Variants in RBFOX1 observed in about 807,000 individuals in gnomAD.
RBFOX1 encodes RNA binding fox-1 homolog 1.
Under a neutral mutation model 57.7 loss-of-function variants are expected in RBFOX1, and 8 were observed. That is an observed-to-expected ratio of 0.14 (90% CI 0.08 to 0.25). The LOEUF is 0.25. Among genes scored for constraint, RBFOX1 ranks in the 10% least tolerant of loss-of-function variants. RBFOX1 has a pLI of 1.00. For missense variants in RBFOX1, 611 were observed against 548.5 expected (o/e 1.11, Z -1.14); for synonymous variants, 326 against 222.4 (o/e 1.47, Z -4.15).
intron 5 of RBFOX1, 135 bp from the exon 6 acceptor site, chr16:7,579,642 A>T (rs890912912): frequency 9.6e-7 from 1 of 1,042,116 alleles, no homozygotes; most frequent in African/African-American, 1.6e-5. Flanking sequence ...GCATGCATGC[A>T]TGCGTCAGCA....
intron 4 of RBFOX1, among the ~76,000 whole-genome samples, chr16:7,231,020 C>A (rs1302330637): frequency 6.6e-6 from 1 of 152,110 alleles, no homozygotes; most frequent in Non-Finnish European, 1.5e-5. Flanking sequence ...CCTGAACAAG[C>A]ACCTCTAGCC....
chr16:7,394,667 G>T (rs1456901214), intron 4 of RBFOX1, among the ~76,000 whole-genome samples: 3 of 152,124 alleles, frequency 2.0e-5, no homozygotes, highest in Non-Finnish European at 4.4e-5. Flanking sequence ...TCAGTTTACT[G>T]ATCAGGCAGT....
intron 4 of RBFOX1, among the ~76,000 whole-genome samples, chr16:5,914,059 A>G (rs567379995): frequency 2.6e-5 from 4 of 152,328 alleles, no homozygotes; most frequent in Admixed American, 2.0e-4. Flanking sequence ...GGACAGAGGC[A>G]TTAACCCACA....
chr16:7,000,030 C>A (rs922742527), intron 3 of RBFOX1, among the ~76,000 whole-genome samples: 4 of 150,432 alleles, frequency 2.7e-5, no homozygotes, highest in African/African-American at 9.8e-5. Context: ...CAAGATCACA[C>A]CACTGCACTC....
intron 3 of RBFOX1, among the ~76,000 whole-genome samples, chr16:6,807,356 A>G (rs555285845): frequency 6.6e-6 from 1 of 152,216 alleles, no homozygotes; most frequent in African/African-American, 2.4e-5. Context: ...GAATTTTGAG[A>G]CAAGGATGAG....
intron 3 of RBFOX1, among the ~76,000 whole-genome samples, chr16:5,783,766 C>T (rs182477821): frequency 1.3e-4 from 20 of 152,168 alleles, no homozygotes; most frequent in Non-Finnish European, 2.2e-4. Context: ...TCCCTTGTCA[C>T]GAAGAGGCAG....
intron 4 of RBFOX1, among the ~76,000 whole-genome samples, chr16:6,009,187 A>G (rs1011092214): frequency 6.6e-6 from 1 of 151,496 alleles, no homozygotes; most frequent in African/African-American, 2.4e-5. Context: ...CAGTGATTCC[A>G]GGTCCAGGAT....
intron 2 of RBFOX1, among the ~76,000 whole-genome samples, chr16:6,355,182 C>T (rs760615437): frequency 3.3e-5 from 5 of 152,144 alleles, no homozygotes; most frequent in African/African-American, 2.4e-5. Flanking sequence ...ATGTGCAGAA[C>T]GTGCAGTCTT....
chr16:6,788,677 G>C (rs1603623907), intron 3 of RBFOX1, among the ~76,000 whole-genome samples: 2 of 151,678 alleles, frequency 1.3e-5, no homozygotes, highest in Non-Finnish European at 2.9e-5. Context: ...GGGTTTCACC[G>C]TGTTAGCCAG....
chr16:7,285,837 C>T (rs1167092922), intron 4 of RBFOX1, among the ~76,000 whole-genome samples: 1 of 152,164 alleles, frequency 6.6e-6, no homozygotes, highest in African/African-American at 2.4e-5. Flanking sequence ...AAAACTGTTA[C>T]AAATCTTCAA....
intron 4 of RBFOX1, among the ~76,000 whole-genome samples, chr16:7,055,126 A>T (rs1258341071): frequency 6.6e-6 from 1 of 152,162 alleles, no homozygotes; most frequent in Non-Finnish European, 1.5e-5. Flanking sequence ...ATACCATGTT[A>T]AAAAAAGCTA....
intron 3 of RBFOX1, among the ~76,000 whole-genome samples, chr16:6,676,971 C>T (rs557170324): frequency 1.3e-5 from 2 of 152,028 alleles, no homozygotes; most frequent in Admixed American, 6.6e-5. Context: ...CCACCATGCC[C>T]AGCCGTTAAC....
intron 4 of RBFOX1, among the ~76,000 whole-genome samples, chr16:7,403,545 T>C (rs567586694): frequency 1.3e-5 from 2 of 149,846 alleles, no homozygotes; most frequent in South Asian, 2.1e-4. Flanking sequence ...TCACCCATAT[T>C]ATTGCAAATG....
At chr16:6,064,475 T>G (rs1181008630) in intron 1 of RBFOX1, among the ~76,000 whole-genome samples, 1 of 152,218 alleles carries the variant, frequency 6.6e-6, no homozygotes, top group Non-Finnish European at 1.5e-5. Context: ...AAGTGGGCAA[T>G]GTAGTAAGCA....
intron 1 of RBFOX1, among the ~76,000 whole-genome samples, chr16:5,461,855 A>G (rs1458347017): frequency 1.3e-5 from 2 of 152,184 alleles, no homozygotes; most frequent in African/African-American, 4.8e-5. Context: ...TTTATCTTTG[A>G]GAGCCATCCA....
chr16:6,216,146 A>G lies in RBFOX1; in HGVS notation c.-126-100849A>G, dbSNP rs972425027. ...GCCTTTTGGAGGGTGGGGAGTTGGAAGAGGGAGAGCATCATGAAAAATAAC... is the reference window on the plus strand; with the variant it reads ...GCCTTTTGGAGGGTGGGGAGTTGGAGGAGGGAGAGCATCATGAAAAATAAC... On this transcript the variant is annotated intron_variant, in intron 1 of 15. Coordinates refer to ENST00000550418, the MANE Select transcript of RBFOX1 (RefSeq NM_018723.4). Among the ~76,000 whole-genome samples, 33 of 152,262 alleles carry G rather than the reference A, an allele frequency of 2.2e-4. 1 individual carries two copies. Among genetic ancestry groups the G allele is most frequent in the African/African-American group, 7.2e-4 (30 of 41,548 alleles).
At position 6,898,860 on chromosome 16, in the gene RBFOX1, A is replaced by G. The variant is rs545962271; in HGVS notation, c.-15-153197A>G. Among the ~76,000 whole-genome samples, 14 of 148,858 alleles carry G rather than the reference A, an allele frequency of 9.4e-5. No homozygotes were observed. The East Asian group carries it at 2.8e-3, about 30-fold the overall frequency. On this transcript the variant is annotated intron_variant, in intron 3 of 15. Coordinates refer to ENST00000550418, the MANE Select transcript of RBFOX1 (RefSeq NM_018723.4). ...GTGTGTGCATGTGTATGTGTAATAT[A>G]TTACACACATGTACACGTGTATAAT...
chr16:5,762,572 A>G (rs2053628773), intron 3 of RBFOX1, among the ~76,000 whole-genome samples: 1 of 152,168 alleles, frequency 6.6e-6, no homozygotes, highest in African/African-American at 2.4e-5. Context: ...CCCGCGGGGA[A>G]TAATTAAGGA....
intron 1 of RBFOX1, among the ~76,000 whole-genome samples, chr16:6,314,397 A>G (rs1054771429): frequency 8.5e-5 from 13 of 152,202 alleles, no homozygotes; most frequent in Non-Finnish European, 1.0e-4. Flanking sequence ...GAATATGCCA[A>G]TGGCCATAGG....
Sources: gnomAD v4.1 joint callset for allele counts (sites outside exome capture counted in the v4.1 genomes callset) on GRCh38, gnomAD v4.1.1 for gene constraint, MANE v1.5 for transcripts, NCBI Gene and HGNC (gene_info 2026-07-23, HGNC 2026-07-21) for gene names.